The following TRMT2A variants were observed in gnomAD, a reference collection of about 807,000 sequenced individuals.
The protein encoded by TRMT2A is tRNA (uracil-5-)-methyltransferase homolog A.
Under a neutral mutation model 59.3 loss-of-function variants are expected in TRMT2A, and 60 were observed. That is an observed-to-expected ratio of 1.01 (90% CI 0.82 to 1.26). TRMT2A has a LOEUF of 1.26. Ranked by LOEUF, TRMT2A falls within the 50% of genes most tolerant of loss-of-function variation. The probability of loss-of-function intolerance (pLI) is 0.00; values close to 1 mark genes in which losing one functional copy is unlikely to be tolerated. For missense variants in TRMT2A, 863 were observed against 845.2 expected, an observed-to-expected ratio of 1.02 and a Z score of -0.26; for synonymous variants, 403 against 353.7, an observed-to-expected ratio of 1.14 and a Z score of -1.56.
At position 20,115,453 on chromosome 22, in the gene TRMT2A, G is replaced by C; in HGVS notation, c.709-6C>G. ...CACTTATTACGATACTCAGTCTGCA[G>C]GGAGAGAGAGCTGCACCTTACCCTG... On this transcript the variant is annotated splice_polypyrimidine_tract_variant and splice_region_variant and intron_variant, in intron 3 of 11. Coordinates refer to ENST00000252136, the MANE Select transcript of TRMT2A (RefSeq NM_022727.6). The C allele has an allele frequency of 6.2e-7, 1 of 1,601,488 alleles. No individual in the cohort carries two copies. The highest frequency in any genetic ancestry group is 8.5e-7 in the Non-Finnish European group (1 of 1,173,458).
At position 20,117,130 on chromosome 22, in the gene TRMT2A, G is replaced by T. The variant is rs181485869; in HGVS notation, c.-224C>A. ...CTCAGGTCCGGGTCTCAGGCTTGGG[G>T]CTGTACCGCCCGCCCGCCAGGGGCC... On this transcript the variant is annotated 5_prime_UTR_variant, in exon 1 of 12. Coordinates refer to ENST00000252136, the MANE Select transcript of TRMT2A (RefSeq NM_022727.6). 549 of 597,078 alleles carry T rather than the reference G, an allele frequency of 9.2e-4. 6 individuals are homozygous for T. In the African/African-American group the frequency reaches 9.8e-3, roughly 11 times the overall value. 37.0% of individuals were successfully genotyped at this position (597,078 alleles called of 1,614,324 possible). A position where few individuals can be genotyped will look rare whatever the true frequency, so the allele number is the denominator to read the frequency against.
In TRMT2A at chr22:20,116,371, A is replaced by T; in HGVS notation, c.266T>A (p.Val89Asp). ...NVPRHASFSD[V>D]RRFLGRFGLQ... ...ACCAAAGCGGCCCAGGAAGCGCCGG[A>T]CGTCGCTGAAGCTGGCGTGGCGAGG... Residue 89 changes from valine to aspartate, a missense_variant, in exon 2 of 12, where the codon GTC (valine) becomes GAC (aspartate). Transcript: ENST00000252136. 1 of 1,612,398 alleles carries T rather than the reference A, an allele frequency of 6.2e-7. No individual in the cohort carries two copies. Among genetic ancestry groups the T allele is most frequent in the Non-Finnish European group, 8.5e-7 (1 of 1,179,484 alleles).
intron 3 of TRMT2A, 28 bp from the exon 4 acceptor site, chr22:20,115,475 C>T (rs1332120348): frequency 6.3e-7 from 1 of 1,591,186 alleles, no homozygotes; most frequent in South Asian, 1.1e-5. Context: ...TGCACCTTAC[C>T]CTGGCTGCCC....
At chr22:20,113,093 A>G (rs371224424) in intron 10 of TRMT2A, 25 bp downstream of exon 10, 10 of 1,608,728 alleles carry the variant, frequency 6.2e-6, no homozygotes, top group African/African-American at 2.7e-5. Context: ...TTCCCGTGCC[A>G]CCTCCTTAAG....
rs547351261 is a variant in TRMT2A at position 20,113,339 on chromosome 22, C to T, written c.1432+93G>A. ...GAGCTTGCTCACTTGCTCTACCTGT[C>T]GGGCAGCCCCCAAGCCCTGGCTGTG... On this transcript the variant is annotated intron_variant, in intron 9 of 11. Coordinates refer to ENST00000252136, the MANE Select transcript of TRMT2A (RefSeq NM_022727.6). 184 of 1,522,666 alleles carry T rather than the reference C, an allele frequency of 1.2e-4. 1 individual carries two copies. Among genetic ancestry groups the T allele is most frequent in the South Asian group, 7.4e-4 (59 of 79,418 alleles). 94.3% of individuals were successfully genotyped at this position (1,522,666 alleles called of 1,614,324 possible). A position where few individuals can be genotyped will look rare whatever the true frequency, so the allele number is the denominator to read the frequency against.
rs749848938 is a variant in TRMT2A at position 20,114,781 on chromosome 22, G to A, written c.1101C>T (p.Tyr367=). Residue 367 remains tyrosine (Y), a synonymous_variant, in exon 6 of 12, where the codon TAC becomes TAT. Coordinates refer to ENST00000252136, the MANE Select transcript of TRMT2A (RefSeq NM_022727.6). ...CTTACCGCTGTCCCTCCTCCACGAA[G>A]TAGAGGCAGGTCACTCCACTGGCCC... ...PGRASGVTCL[Y]FVEEGQRKTP... is the part of the protein sequence containing the mutation. 14 of 1,611,356 alleles carry A rather than the reference G, an allele frequency of 8.7e-6. No homozygotes were observed. The highest frequency in any genetic ancestry group is 1.2e-5 in the Non-Finnish European group (14 of 1,179,604).
Position 20,111,895 on chromosome 22 carries a change from C to T in TRMT2A, c.*668G>A, listed in dbSNP as rs961606176. 1 of 158,272 alleles carries T rather than the reference C, an allele frequency of 6.3e-6. No homozygotes were observed. The highest frequency in any genetic ancestry group is 2.0e-4 in the South Asian group (1 of 4,894). The allele number at this position is 158,272 out of a possible 1,614,324, so 9.8% of individuals were successfully genotyped here. On this transcript the variant is annotated 3_prime_UTR_variant, in exon 12 of 12. Transcript: ENST00000252136. ...GAAGGGAATGGCTGATGTCTTTATTCTGAGGGTGAGAGGCTGGCACCCTGT... is the reference window on the plus strand; with the variant it reads ...GAAGGGAATGGCTGATGTCTTTATTTTGAGGGTGAGAGGCTGGCACCCTGT...
In TRMT2A at chr22:20,116,918, T is replaced by A; in HGVS notation, c.-12A>T. 1 of 1,533,268 alleles carries A rather than the reference T, an allele frequency of 6.5e-7. No individual in the cohort carries two copies. Among genetic ancestry groups the A allele is most frequent in the Non-Finnish European group, 8.8e-7 (1 of 1,135,084 alleles). 95.0% of individuals were successfully genotyped at this position (1,533,268 alleles called of 1,614,324 possible). On this transcript the variant is annotated 5_prime_UTR_variant, in exon 1 of 12. Transcript: ENST00000252136. ...AGGTTCTCACTCATCGCCCAGGCGG[T>A]TCTCCGCCTAGACCAGGGACGCCAT...
chr22:20,117,080 C>A lies in TRMT2A; in HGVS notation c.-174G>T, dbSNP rs2050050361. The A allele has an allele frequency of 3.6e-6, 3 of 832,414 alleles. No homozygotes were observed. Among genetic ancestry groups the A allele is most frequent in the Admixed American group, 2.5e-5 (1 of 40,624 alleles). 51.6% of individuals were successfully genotyped at this position (832,414 alleles called of 1,614,324 possible). A position where few individuals can be genotyped will look rare whatever the true frequency, so the allele number is the denominator to read the frequency against. On this transcript the variant is annotated 5_prime_UTR_variant, in exon 1 of 12. Coordinates refer to ENST00000252136, the MANE Select transcript of TRMT2A (RefSeq NM_022727.6). ...CCGCCACCCCCGGCTTCGCCCCAGG[C>A]GGGGCGGGACTCGAACCTGCGATGC...
At chr22:20,113,400 T>TGCCCCCCCCCCCC in intron 9 of TRMT2A, 32 bp downstream of exon 9, 50 of 1,049,350 alleles carry the variant, frequency 4.8e-5, no homozygotes, top group African/African-American at 6.4e-5. Flanking sequence ...GCTGCCCCCA[T>TGCCCCCCCCCCCC]CCCCACCCCC....
chr22:20,112,789 C>T lies in TRMT2A; in HGVS notation c.1652G>A (p.Cys551Tyr). 1 of 1,613,252 alleles carries T rather than the reference C, an allele frequency of 6.2e-7. No homozygotes were observed. ...CTTCACCCGGTTAGATGGGGCTCTG[C>T]AGAGGCTGTGGGGGGAAAAGGGGGG... ...RAAMGNFVDL[C>Y]RAPSNRVKGI... The change falls in exon 12 of 12, where the codon TGC (cysteine) becomes TAC (tyrosine). Residue 551 changes from cysteine to tyrosine, a missense_variant. Physicochemically the swap from Cys to Tyr is radical, Grantham distance 194. Coordinates refer to ENST00000252136, the MANE Select transcript of TRMT2A (RefSeq NM_022727.6).
At chr22:20,116,824 C>T in intron 1 of TRMT2A, 59 bp downstream of exon 1, 5 of 1,410,948 alleles carry the variant, frequency 3.5e-6, no homozygotes, top group Middle Eastern at 1.8e-4. Flanking sequence ...GGTTTCCTGA[C>T]CCACCCCGCC....
At position 20,115,889 on chromosome 22, in the gene TRMT2A, G is replaced by A. The variant is rs1011915630; in HGVS notation, c.600-109C>T. 5.8e-6 allele frequency: 8 copies of A among 1,378,800 alleles called. No homozygotes were observed. In the African/African-American group the frequency reaches 8.7e-5, roughly 15 times the overall value. 85.4% of individuals were successfully genotyped at this position (1,378,800 alleles called of 1,614,324 possible). A position where few individuals can be genotyped will look rare whatever the true frequency, so the allele number is the denominator to read the frequency against. On this transcript the variant is annotated intron_variant, in intron 2 of 11. Coordinates refer to ENST00000252136, the MANE Select transcript of TRMT2A (RefSeq NM_022727.6). ...GACCCCTCCTTTGGGATGTCATTGT[G>A]CCCACTGTGACGTGGGTGTCTTGCT...
At position 20,113,472 on chromosome 22, in the gene TRMT2A, T is replaced by G; in HGVS notation, c.1392A>C (p.Pro464=). The part of the protein sequence containing the change: ...VKRVIGVELC[P]EAVEDARVNA... ...TCACCCGGGCGTCCTCCACAGCCTC[T>G]GGGCATAGCTCGACCCCAATGACCC... Residue 464 remains proline, a synonymous_variant, in exon 9 of 12, where the codon CCA becomes CCC. Coordinates refer to ENST00000252136, the MANE Select transcript of TRMT2A (RefSeq NM_022727.6). 6.2e-7 allele frequency: 1 copy of G among 1,609,608 alleles called. No individual in the cohort carries two copies. Among genetic ancestry groups the G allele is most frequent in the Non-Finnish European group, 8.5e-7 (1 of 1,177,762 alleles).
chr22:20,113,260 C>CA (rs2049903168), intron 9 of TRMT2A, 26 bp from the exon 10 acceptor site: 1 of 1,525,890 alleles, frequency 6.6e-7, no homozygotes. Flanking sequence ...CGTGGCCTGT[C>CA]AGAGGGCCAC....
At position 20,117,046 on chromosome 22, in the gene TRMT2A, G is replaced by C. The variant is rs2147969462; in HGVS notation, c.-140C>G. 1 of 1,139,786 alleles carries C rather than the reference G, an allele frequency of 8.8e-7. No individual in the cohort carries two copies. Among genetic ancestry groups the C allele is most frequent in the Middle Eastern group, 2.2e-4 (1 of 4,642 alleles). The allele number at this position is 1,139,786 out of a possible 1,614,324, so 70.6% of individuals were successfully genotyped here. On this transcript the variant is annotated 5_prime_UTR_variant, in exon 1 of 12. Coordinates refer to ENST00000252136, the MANE Select transcript of TRMT2A (RefSeq NM_022727.6). The stretch of plus-strand genomic sequence containing the variant: ...GTGCTCACAGAGCCGGTGCAACGCC[G>C]CGAGGTCGCCGCCACCCCCGGCTTC...
In TRMT2A at chr22:20,113,526, G is replaced by C; in HGVS notation, c.1357-19C>G. On this transcript the variant is annotated intron_variant, in intron 8 of 11. Transcript: ENST00000252136. ...TTACCTTCTGAAACAGGAAAGCGTG[G>C]TGTCGCCCCACCCAGGGAGGGGAGT... The C allele has an allele frequency of 6.2e-7, 1 of 1,613,354 alleles. No individual in the cohort carries two copies. The highest frequency in any genetic ancestry group is 2.2e-5 in the East Asian group (1 of 44,854).
rs1252571220 is a variant in TRMT2A, at chr22:20,114,573, C to G, written c.1233+1G>C. 2.5e-6 allele frequency: 4 copies of G among 1,613,126 alleles called. No individual in the cohort carries two copies. Among genetic ancestry groups the G allele is most frequent in the Non-Finnish European group, 3.4e-6 (4 of 1,179,580 alleles). On this transcript the variant is annotated splice_donor_variant, in intron 7 of 11. Transcript: ENST00000252136. LOFTEE classifies it high-confidence loss of function. ...CATGCCCACCAGGGACTCATGGCTA[C>G]CTGGAAGAAGGCGTGTGGAGAGATC...
Position 20,115,664 on chromosome 22 carries a change from A to C in TRMT2A, c.708+8T>G, listed in dbSNP as rs763666810. 6.2e-7 allele frequency: 1 copy of C among 1,612,764 alleles called. No homozygotes were observed. The highest frequency in any genetic ancestry group is 1.1e-5 in the South Asian group (1 of 91,088). ...TAGGGGTTTGTGGCCACCGAAGTCT[A>C]GTCTGACCTGCTGGGGTGATGGCCT... is the stretch of plus-strand genomic sequence containing the variant. On this transcript the variant is annotated splice_region_variant and intron_variant, in intron 3 of 11. Transcript: ENST00000252136.
Sources: allele counts gnomAD v4.1 joint callset, GRCh38; gene constraint gnomAD v4.1.1; transcripts MANE v1.5; gene names NCBI Gene and HGNC (gene_info 2026-07-23, HGNC 2026-07-21).